EHBP1: variants seen among roughly 807,000 people sequenced by gnomAD.
EHBP1 encodes EH domain binding protein 1, also known as EH domain-binding protein 1.
A neutral mutation model predicts 144.0 loss-of-function variants in EHBP1; 55 were observed. The observed-to-expected ratio is 0.38, with a 90% CI of 0.31 to 0.48. The LOEUF (loss-of-function observed/expected upper bound fraction) is 0.48, where lower values mean the gene tolerates loss of function less well. Ranked by LOEUF, EHBP1 falls within the 20% of genes least tolerant of loss-of-function variation. The probability of loss-of-function intolerance (pLI) is 0.98; values close to 1 mark genes in which losing one functional copy is unlikely to be tolerated. For missense variants in EHBP1, 1,200 were observed against 1,364.2 expected, an observed-to-expected ratio of 0.88 and a Z score of 1.90; for synonymous variants, 469 against 472.7, an observed-to-expected ratio of 0.99 and a Z score of 0.10.
intron 11 of EHBP1, among the ~76,000 whole-genome samples, chr2:62,943,372 G>A (rs1004666355): frequency 4.0e-4 from 23 of 57,328 alleles, no homozygotes; most frequent in African/African-American, 1.2e-3. Flanking sequence ...GCGAAACTCC[G>A]TCTCAAAAAA....
At chr2:62,865,935 C>T (rs1468199722) in intron 9 of EHBP1, among the ~76,000 whole-genome samples, 1 of 152,228 alleles carries the variant, frequency 6.6e-6, no homozygotes, top group Non-Finnish European at 1.5e-5. Context: ...GAGCACTACT[C>T]TGTGAGATCT....
chr2:62,746,968 G>T (rs747660055), intron 2 of EHBP1, among the ~76,000 whole-genome samples: 28 of 152,062 alleles, frequency 1.8e-4, no homozygotes, highest in Non-Finnish European at 3.5e-4. Context: ...CATTGTTCAT[G>T]AGATACAGAG....
chr2:62,796,917 C>T (rs1409121615), intron 5 of EHBP1, among the ~76,000 whole-genome samples: 1 of 151,588 alleles, frequency 6.6e-6, no homozygotes. Context: ...GGCCCCCTCT[C>T]TGGAAACACA....
chr2:62,706,390 C>T (rs1350129332), intron 1 of EHBP1: 1 of 152,294 alleles, frequency 6.6e-6, no homozygotes, highest in Non-Finnish European at 1.5e-5. Context: ...TGGAGATTTC[C>T]CTCCACTCCT....
chr2:62,818,695 A>G (rs1193040379), intron 5 of EHBP1, among the ~76,000 whole-genome samples: 1 of 152,212 alleles, frequency 6.6e-6, no homozygotes, highest in East Asian at 1.9e-4. Context: ...GGCAGAAACT[A>G]CTGAAATAGA....
chr2:63,044,957 G>A (rs977193700), intron 21 of EHBP1, 109 bp from the exon 22 acceptor site: 3 of 763,572 alleles, frequency 3.9e-6, no homozygotes, highest in Non-Finnish European at 4.3e-6. Flanking sequence ...GCTCTATAAT[G>A]TGGTTTGCTG....
In EHBP1 at chr2:62,707,126, C is replaced by T; in HGVS notation, c.-66C>T. 1.6e-6 allele frequency: 2 copies of T among 1,238,414 alleles called. No homozygotes were observed. The highest frequency in any genetic ancestry group is 3.4e-5 in the Admixed American group (2 of 59,210). The allele number at this position is 1,238,414 out of a possible 1,614,324, so 76.7% of individuals were successfully genotyped here. A position where few individuals can be genotyped will look rare whatever the true frequency, so the allele number is the denominator to read the frequency against. On this transcript the variant is annotated 5_prime_UTR_variant, in exon 2 of 23. Transcript: ENST00000431489. ...ACATGCAAAGTTCCTTTGCTTTGGA[C>T]CCTCTGCATTATTAAAGCTGCTGTA... is the stretch of plus-strand genomic sequence containing the variant.
chr2:62,901,152 G>A (rs1350593504), intron 10 of EHBP1, among the ~76,000 whole-genome samples: 1 of 152,062 alleles, frequency 6.6e-6, no homozygotes, highest in Non-Finnish European at 1.5e-5. Flanking sequence ...TTTTAACTTG[G>A]ACATAAGATG....
At chr2:62,778,387 TC>T (rs773894479) in intron 5 of EHBP1, among the ~76,000 whole-genome samples, 7 of 151,822 alleles carry the variant, frequency 4.6e-5, no homozygotes, top group Non-Finnish European at 1.0e-4. Context: ...CTACAAAATG[TC>T]AAAAAATAGC....
intron 21 of EHBP1, among the ~76,000 whole-genome samples, chr2:63,040,553 G>A (rs2061615084): frequency 1.3e-5 from 2 of 152,128 alleles, no homozygotes; most frequent in Non-Finnish European, 2.9e-5. Flanking sequence ...AAGAAAAGGG[G>A]AAAAATATTT....
At chr2:63,030,519 G>A (rs1042321684) in intron 19 of EHBP1, among the ~76,000 whole-genome samples, 27 of 150,384 alleles carry the variant, frequency 1.8e-4, no homozygotes, top group African/African-American at 6.1e-4. Flanking sequence ...ACGGAGTCTC[G>A]CTCTATCGCC....
At chr2:62,862,322 T>C (rs936905081) in intron 8 of EHBP1, among the ~76,000 whole-genome samples, 2 of 152,162 alleles carry the variant, frequency 1.3e-5, no homozygotes, top group Admixed American at 1.3e-4. Flanking sequence ...AATATAAAAG[T>C]CATTGGCCGG....
chr2:62,902,426 T>C (rs2053484031), intron 10 of EHBP1, among the ~76,000 whole-genome samples: 1 of 152,246 alleles, frequency 6.6e-6, no homozygotes, highest in Non-Finnish European at 1.5e-5. Context: ...GTAGGTCTTT[T>C]GTAATTGTGA....
chr2:62,757,224 G>T (rs2040365485), intron 3 of EHBP1, among the ~76,000 whole-genome samples: 1 of 151,908 alleles, frequency 6.6e-6, no homozygotes, highest in Non-Finnish European at 1.5e-5. Flanking sequence ...ACATCCCTGG[G>T]CTCAGGTGAT....
intron 21 of EHBP1, among the ~76,000 whole-genome samples, chr2:63,040,169 AAT>A: frequency 6.7e-6 from 1 of 150,030 alleles, no homozygotes; most frequent in East Asian, 1.9e-4. Context: ...TGTAATATAT[AAT>A]GTTTATATAT....
chr2:62,962,219 G>A (rs577384468), intron 14 of EHBP1, among the ~76,000 whole-genome samples: 39 of 151,928 alleles, frequency 2.6e-4, no homozygotes, highest in African/African-American at 8.0e-4. Context: ...CCAGCTACTC[G>A]GGAGGCTGAG....
intron 10 of EHBP1, among the ~76,000 whole-genome samples, chr2:62,917,083 T>A (rs1309552028): frequency 6.6e-6 from 1 of 152,134 alleles, no homozygotes; most frequent in Non-Finnish European, 1.5e-5. Context: ...CTAGATGGTG[T>A]AGTGTACTAC....
chr2:62,738,210 T>A (rs990055065), intron 2 of EHBP1, among the ~76,000 whole-genome samples: 7 of 152,202 alleles, frequency 4.6e-5, no homozygotes, highest in Non-Finnish European at 8.8e-5. Flanking sequence ...TTAGCCCTCC[T>A]ATCATATCCT....
intron 2 of EHBP1, among the ~76,000 whole-genome samples, chr2:62,738,462 C>T (rs2038367082): frequency 6.6e-6 from 1 of 152,128 alleles, no homozygotes; most frequent in Non-Finnish European, 1.5e-5. Flanking sequence ...TTAAACTTAC[C>T]TGTTACCTCT....
Sources: allele counts gnomAD v4.1 joint callset (sites outside exome capture counted in the v4.1 genomes callset), GRCh38; gene constraint gnomAD v4.1.1; transcripts MANE v1.5; gene names NCBI Gene and HGNC (gene_info 2026-07-23, HGNC 2026-07-21).